AGAP6: variants seen among roughly 807,000 people sequenced by gnomAD.
The protein encoded by AGAP6 is ArfGAP with GTPase domain, ankyrin repeat and PH domain 6, also known as arf-GAP with GTPase, ANK repeat and PH domain-containing protein 6.
Under a neutral mutation model 63.9 loss-of-function variants are expected in AGAP6, and 29 were observed. The ratio of observed to expected loss-of-function variants is 0.45; its 90% CI spans 0.34 to 0.62. The LOEUF (loss-of-function observed/expected upper bound fraction) is 0.62, where lower values mean the gene tolerates loss of function less well. Among genes scored for constraint, AGAP6 ranks in the 20% least tolerant of loss-of-function variants. AGAP6 has a pLI of 0.01. For synonymous variants in AGAP6, 199 were observed against 332.9 expected, an observed-to-expected ratio of 0.60 and a Z score of 4.38; for missense variants, 493 against 884.9, an observed-to-expected ratio of 0.56 and a Z score of 5.62.
At chr10:49,993,157 A>G (rs1589085847) in intron 3 of AGAP6, among the ~76,000 whole-genome samples, 2 of 152,176 alleles carry the variant, frequency 1.3e-5, no homozygotes, top group Admixed American at 1.3e-4. Context: ...CCATTACCCA[A>G]ACACCTCCCA....
In AGAP6 at chr10:49,989,319, A is replaced by T; in HGVS notation, c.235A>T (p.Asn79Tyr). The T allele has an allele frequency of 6.3e-7, 1 of 1,597,426 alleles. No individual in the cohort carries two copies. Among genetic ancestry groups the T allele is most frequent in the Non-Finnish European group, 8.5e-7 (1 of 1,179,742 alleles). The change falls in exon 2 of 8, where the codon AAC (asparagine) becomes TAC (tyrosine). Residue 79 changes from asparagine (N) to tyrosine (Y), a missense_variant. Physicochemically the swap from Asn to Tyr is moderately radical, Grantham distance 143. Around this residue, in one of 7 missense-constraint regions of AGAP6, gnomAD observed 342 missense variants for 533.4 expected, o/e 0.64. Coordinates refer to ENST00000412531, the MANE Select transcript of AGAP6 (RefSeq NM_001077665.3). ...CTCTATACATATAGCTTTGGAGTTT[A>T]ACCTTTCTGCCAATCCAGAGTCAAG... The part of the protein sequence containing the change: ...DREMPEALEF[N>Y]LSANPESSTI...
chr10:49,994,469 A>T lies in AGAP6; in HGVS notation c.396+40A>T, dbSNP rs782131495. On this transcript the variant is annotated intron_variant, in intron 4 of 7. Coordinates refer to ENST00000412531, the MANE Select transcript of AGAP6 (RefSeq NM_001077665.3). The stretch of plus-strand genomic sequence containing the variant: ...AAATACTTAAGAAATTGATAGTTTG[A>T]CATAAAAGGATGTCTCTCTTGATTT... The T allele has an allele frequency of 8.6e-6, 13 of 1,519,238 alleles. No individual in the cohort carries two copies. The African/African-American group carries it at 1.8e-4, about 21-fold the overall frequency. 94.1% of individuals were successfully genotyped at this position (1,519,238 alleles called of 1,614,324 possible). A position where few individuals can be genotyped will look rare whatever the true frequency, so the allele number is the denominator to read the frequency against.
At chr10:49,996,880 C>T (rs1554862034) in intron 4 of AGAP6, among the ~76,000 whole-genome samples, 1 of 151,166 alleles carries the variant, frequency 6.6e-6, no homozygotes, top group African/African-American at 2.4e-5. Flanking sequence ...AGTTGTGTTT[C>T]TGTGTTATTT....
At chr10:50,007,892 T>C in intron 6 of AGAP6, 133 bp from the exon 7 acceptor site, 2 of 1,536,932 alleles carry the variant, frequency 1.3e-6, no homozygotes, top group Non-Finnish European at 1.8e-6. Context: ...CAAGTCAGGA[T>C]CCAATAGAAG....
In AGAP6 at chr10:49,996,141, A is replaced by G. The variant is rs542093647; in HGVS notation, c.396+1712A>G. On this transcript the variant is annotated intron_variant, in intron 4 of 7. Transcript: ENST00000412531. ...ATTGATTTTTAATTTTTCCCCTTCT[A>G]TTTTTTTCAGTTTGTCTTTTTATTC... Among the ~76,000 whole-genome samples the G allele has an allele frequency of 8.1e-5, 12 of 147,490 alleles. 1 individual carries two copies. The South Asian group carries it at 2.1e-3, about 26-fold the overall frequency.
At chr10:49,992,792 C>T (rs1486589837) in intron 3 of AGAP6, among the ~76,000 whole-genome samples, 4 of 151,810 alleles carry the variant, frequency 2.6e-5, no homozygotes, top group South Asian at 4.1e-4. Flanking sequence ...TATGGAGTCT[C>T]ACTCTGTTGC....
chr10:49,989,257 A>C (rs1469859516), intron 1 of AGAP6, 51 bp from the exon 2 acceptor site: 45 of 1,594,798 alleles, frequency 2.8e-5, no homozygotes, highest in South Asian at 6.6e-5. Flanking sequence ...TAAGTTGATA[A>C]ATTTTTATAA....
chr10:49,996,554 G>A (rs1290063547), intron 4 of AGAP6, among the ~76,000 whole-genome samples: 9 of 151,534 alleles, frequency 5.9e-5, no homozygotes, highest in Admixed American at 1.3e-4. Context: ...CAGAGTTAGC[G>A]AAGAAAGTTG....
chr10:50,006,184 G>A (rs1403508448), intron 6 of AGAP6, among the ~76,000 whole-genome samples: 54 of 152,058 alleles, frequency 3.6e-4, no homozygotes, highest in Non-Finnish European at 6.0e-4. Context: ...TTAGTTACTT[G>A]GAATATATTG....
chr10:50,010,040 C>G lies in AGAP6; in HGVS notation c.1915C>G (p.Leu639Val), dbSNP rs556206542. The change falls in exon 8 of 8, where the codon CTG (leucine) becomes GTG (valine). Residue 639 changes from leucine (L) to valine (V), a missense_variant. Physicochemically the swap from Leu to Val is conservative, Grantham distance 32 (BLOSUM62 1). This residue lies in a region of AGAP6 where 34 missense variants were observed against 82.7 expected (regional missense o/e 0.41). Coordinates refer to ENST00000412531, the MANE Select transcript of AGAP6 (RefSeq NM_001077665.3). ...HLACRKGNVV[L>V]AQLLIWYGVD... The stretch of plus-strand genomic sequence containing the variant: ...GGCCTGCCGCAAGGGGAATGTGGTC[C>G]TGGCGCAGCTCCTGATCTGGTACGG... 3 of 1,610,614 alleles carry G rather than the reference C, an allele frequency of 1.9e-6. No homozygotes were observed. In the East Asian group the frequency reaches 6.7e-5, roughly 36 times the overall value.
At chr10:49,995,297 A>AAG (rs1197300555) in intron 4 of AGAP6, among the ~76,000 whole-genome samples, 1 of 152,134 alleles carries the variant, frequency 6.6e-6, no homozygotes, top group Non-Finnish European at 1.5e-5. Flanking sequence ...CACTTCTGCA[A>AAG]TTCTCCTGGA....
chr10:50,001,516 T>C (rs1841704013), intron 4 of AGAP6, among the ~76,000 whole-genome samples: 1 of 95,516 alleles, frequency 1.0e-5, no homozygotes. Flanking sequence ...GCCTCCTGGG[T>C]TCACCCCATT....
At chr10:49,997,268 A>T (rs1554862100) in intron 4 of AGAP6, among the ~76,000 whole-genome samples, 2 of 152,138 alleles carry the variant, frequency 1.3e-5, no homozygotes, top group Non-Finnish European at 2.9e-5. Flanking sequence ...TGTTAGAAAT[A>T]TTTAAGTTAA....
intron 3 of AGAP6, among the ~76,000 whole-genome samples, chr10:49,992,404 G>T (rs1284093512): frequency 2.0e-5 from 3 of 152,182 alleles, no homozygotes; most frequent in Admixed American, 2.0e-4. Context: ...TAAACAGCAA[G>T]AATACAAGTG....
At position 50,009,223 on chromosome 10, in the gene AGAP6, C is replaced by G; in HGVS notation, c.1098C>G (p.Asp366Glu). 3.7e-6 allele frequency: 6 copies of G among 1,613,866 alleles called. No homozygotes were observed. The South Asian group carries it at 6.6e-5, about 18-fold the overall frequency. Residue 366 changes from aspartate (D) to glutamate (E), a missense_variant, in exon 8 of 8, where the codon GAC (aspartate) becomes GAG (glutamate). Transcript: ENST00000412531. ...SSSKSNGLSKDMDTGLGDSIC... is the reference protein window; with the variant it reads ...SSSKSNGLSKEMDTGLGDSIC... ...CTAAAAGCAATGGCCTATCCAAGGA[C>G]ATGGACACCGGGCTGGGTGACTCCA...
intron 1 of AGAP6, 82 bp downstream of exon 1, chr10:49,989,020 A>G: frequency 1.3e-6 from 2 of 1,597,582 alleles, no homozygotes; most frequent in Middle Eastern, 2.1e-4. Flanking sequence ...GGCATCCCAC[A>G]CTTCGAGCTC....
At chr10:49,994,181 G>C (rs1417810894) in intron 3 of AGAP6, among the ~76,000 whole-genome samples, 3 of 151,854 alleles carry the variant, frequency 2.0e-5, no homozygotes, top group African/African-American at 7.3e-5. Flanking sequence ...GTATGTAATA[G>C]AAACAAAAAG....
chr10:49,995,935 A>C, intron 4 of AGAP6, among the ~76,000 whole-genome samples: 1 of 152,128 alleles, frequency 6.6e-6, no homozygotes, highest in Non-Finnish European at 1.5e-5. Flanking sequence ...GAAGCTTTTT[A>C]GAATCTCTCT....
rs781971646 is a variant in AGAP6 at position 50,008,847 on chromosome 10, C to T, written c.722C>T (p.Thr241Met). 53 of 1,613,962 alleles carry T rather than the reference C, an allele frequency of 3.3e-5. No individual in the cohort carries two copies. Among genetic ancestry groups the T allele is most frequent in the Middle Eastern group, 3.3e-4 (2 of 6,084 alleles). ...GTTCCTCCCACTGCCAACACACCCA[C>T]GCCCGTTTGCAAGCGGTCCATGCGC... ...FSVPPTANTP[T>M]PVCKRSMRWS... Residue 241 changes from threonine (T) to methionine (M), a missense_variant, in exon 8 of 8, where the codon ACG (threonine) becomes ATG (methionine). Physicochemically the swap from Thr to Met is moderately conservative, Grantham distance 81. Coordinates refer to ENST00000412531, the MANE Select transcript of AGAP6 (RefSeq NM_001077665.3).
Sources: allele counts gnomAD v4.1 joint callset (sites outside exome capture counted in the v4.1 genomes callset), GRCh38; gene constraint gnomAD v4.1.1; regional missense constraint gnomAD v4.1.1; transcripts MANE v1.5; gene names NCBI Gene and HGNC (gene_info 2026-07-23, HGNC 2026-07-21).